The following SPDL1 variants were observed in gnomAD, a reference collection of about 807,000 sequenced individuals.
The protein encoded by SPDL1 is protein Spindly.
A neutral mutation model predicts 79.5 loss-of-function variants in SPDL1; 85 were observed. The observed-to-expected ratio is 1.07, with a 90% CI of 0.90 to 1.28. The LOEUF is 1.28. Among genes scored for constraint, SPDL1 ranks in the 50% most tolerant of loss-of-function variants. SPDL1 has a pLI of 0.00. For missense variants in SPDL1, 703 were observed against 697.8 expected (o/e 1.01, Z -0.08); for synonymous variants, 269 against 240.3 (o/e 1.12, Z -1.10).
chr5:169,598,522 C>A lies in SPDL1; in HGVS notation c.1079C>A (p.Thr360Asn). ...TCTAAGCCTTCAGTCGACTCTGGTACTCTGGAAGATAACACCTATTATACA... is the reference window on the plus strand; with the variant it reads ...TCTAAGCCTTCAGTCGACTCTGGTAATCTGGAAGATAACACCTATTATACA... ...MESKPSVDSGTLEDNTYYTDL... is the reference protein window; with the variant it reads ...MESKPSVDSGNLEDNTYYTDL... The change falls in exon 9 of 12, where the codon ACT becomes AAT. Residue 360 changes from threonine to asparagine, a missense_variant. Physicochemically the swap from Thr to Asn is moderately conservative, Grantham distance 65. Transcript: ENST00000265295. The A allele has an allele frequency of 6.2e-7, 1 of 1,613,224 alleles. No individual in the cohort carries two copies. Among genetic ancestry groups the A allele is most frequent in the African/African-American group, 1.3e-5 (1 of 74,990 alleles).
In SPDL1 at chr5:169,601,427, C is replaced by G; in HGVS notation, c.1472C>G (p.Pro491Arg). 1.2e-6 allele frequency: 2 copies of G among 1,614,034 alleles called. No homozygotes were observed. The highest frequency in any genetic ancestry group is 1.3e-5 in the African/African-American group (1 of 75,002). The part of the protein sequence containing the change: ...PPQKEETQSC[P>R]NSLEDNNLQL... ...CAGAAAGAGGAGACACAGTCCTGCC[C>G]TAACAGTTTAGAAGATAACAACTTG... Residue 491 changes from proline (P) to arginine (R), a missense_variant, in exon 11 of 12, where the codon CCT becomes CGT. Coordinates refer to ENST00000265295, the MANE Select transcript of SPDL1 (RefSeq NM_017785.5).
rs549738487 is a variant in SPDL1 at position 169,601,411 on chromosome 5, G to C, written c.1456G>C (p.Glu486Gln). 9.3e-6 allele frequency: 15 copies of C among 1,614,110 alleles called. No individual in the cohort carries two copies. In the South Asian group the frequency reaches 1.6e-4, roughly 18 times the overall value. Residue 486 changes from glutamate (E) to glutamine (Q), a missense_variant, in exon 11 of 12, where the codon GAG (glutamate) becomes CAG (glutamine). Physicochemically the swap from Glu to Gln is conservative, Grantham distance 29. Transcript: ENST00000265295. ...EVYRLPPQKEETQSCPNSLED... is the reference protein window; with the variant it reads ...EVYRLPPQKEQTQSCPNSLED... ...TTATCGATTACCGCCTCAGAAAGAG[G>C]AGACACAGTCCTGCCCTAACAGTTT...
chr5:169,590,029 C>A (rs1755194848), intron 2 of SPDL1, among the ~76,000 whole-genome samples: 1 of 152,200 alleles, frequency 6.6e-6, no homozygotes, highest in South Asian at 2.1e-4. Flanking sequence ...TGCTAATTAT[C>A]TCTAGATTAT....
chr5:169,589,572 T>C (rs1164593403), intron 2 of SPDL1, among the ~76,000 whole-genome samples: 2 of 152,026 alleles, frequency 1.3e-5, no homozygotes, highest in Non-Finnish European at 2.9e-5. Context: ...TTTTTTTTTT[T>C]TGAGTTGTTT....
intron 2 of SPDL1, among the ~76,000 whole-genome samples, chr5:169,588,994 TC>T (rs141009696): frequency 0.039 from 5,914 of 152,282 alleles, 169 homozygotes; most frequent in Non-Finnish European, 0.057. Flanking sequence ...GGATTCCCTG[TC>T]CGTTAACCAA....
At chr5:169,586,964 A>C (rs985711809) in intron 1 of SPDL1, among the ~76,000 whole-genome samples, 1 of 152,098 alleles carries the variant, frequency 6.6e-6, no homozygotes, top group African/African-American at 2.4e-5. Context: ...ACTCTCTACT[A>C]TCTCTTAGCC....
chr5:169,590,375 A>G (rs1218559934), intron 2 of SPDL1, among the ~76,000 whole-genome samples: 1 of 152,248 alleles, frequency 6.6e-6, no homozygotes, highest in Non-Finnish European at 1.5e-5. Flanking sequence ...AACTTGTCAA[A>G]TTTCAGTGTT....
Position 169,594,611 on chromosome 5 carries a change from G to A in SPDL1, c.821G>A (p.Ser274Asn), listed in dbSNP as rs1435318256. The change falls in exon 7 of 12, where the codon AGT becomes AAT. Residue 274 changes from serine (S) to asparagine (N), a missense_variant. By Grantham distance (46) the Ser-to-Asn change is conservative (BLOSUM62 1). Transcript: ENST00000265295. ...RRAAMERQLI[S>N]MKVKYQSLKK... ...GCAGCAATGGAACGTCAGCTCATCA[G>A]TATGAAAGTCAAGTATCAGTCACTA... The A allele has an allele frequency of 6.2e-7, 1 of 1,614,010 alleles. No homozygotes were observed. Among genetic ancestry groups the A allele is most frequent in the Non-Finnish European group, 8.5e-7 (1 of 1,179,872 alleles).
Position 169,604,243 on chromosome 5 carries a change from C to G in SPDL1, c.*36C>G. On this transcript the variant is annotated 3_prime_UTR_variant, in exon 12 of 12. Coordinates refer to ENST00000265295, the MANE Select transcript of SPDL1 (RefSeq NM_017785.5). Reference sequence around the variant, plus strand: ...TTAATAAGAGTACGGTGCCACTTGCCTCAAAAGTTACTATGGTGCTTAAGA... The same window carrying G: ...TTAATAAGAGTACGGTGCCACTTGCGTCAAAAGTTACTATGGTGCTTAAGA... The G allele has an allele frequency of 1.3e-6, 2 of 1,503,604 alleles. No homozygotes were observed. Among genetic ancestry groups the G allele is most frequent in the Non-Finnish European group, 1.8e-6 (2 of 1,126,422 alleles). The allele number at this position is 1,503,604 out of a possible 1,614,324, so 93.1% of individuals were successfully genotyped here.
chr5:169,599,200 T>C, intron 10 of SPDL1, 41 bp downstream of exon 10: 1 of 1,216,308 alleles, frequency 8.2e-7, no homozygotes. Context: ...AAATTATGAG[T>C]AACCTGAAAT....
intron 11 of SPDL1, 77 bp downstream of exon 11, chr5:169,601,702 T>G: frequency 7.8e-7 from 1 of 1,274,206 alleles, no homozygotes; most frequent in South Asian, 1.3e-5. Context: ...CTGTGCTGTC[T>G]GTTTCTTTAT....
intron 11 of SPDL1, among the ~76,000 whole-genome samples, chr5:169,603,793 G>A (rs921994323): frequency 7.9e-5 from 12 of 152,168 alleles, no homozygotes; most frequent in Non-Finnish European, 1.8e-4. Context: ...GGCGGAGGTT[G>A]CAGTGAGCCG....
At chr5:169,597,232 TTGTGTGTGTGTGTGTGTGTG>T (rs56336716) in intron 8 of SPDL1, among the ~76,000 whole-genome samples, 5 of 149,206 alleles carry the variant, frequency 3.4e-5, no homozygotes, top group Admixed American at 2.7e-4. Flanking sequence ...GTGTAAGCAT[TTGTGTGTGTGTGTGTGTGTG>T]TGTGTGTGTG....
Position 169,598,967 on chromosome 5 carries a change from C to G in SPDL1, c.1137-5C>G. On this transcript the variant is annotated splice_polypyrimidine_tract_variant and splice_region_variant and intron_variant, in intron 9 of 11. Coordinates refer to ENST00000265295, the MANE Select transcript of SPDL1 (RefSeq NM_017785.5). ...CTCGTTGGTTCTCCTTTTTTATTAT[C>G]ATAGCAAAGAAATTGAAAGCACTAA... 1 of 1,522,526 alleles carries G rather than the reference C, an allele frequency of 6.6e-7. No individual in the cohort carries two copies. 94.3% of individuals were successfully genotyped at this position (1,522,526 alleles called of 1,614,324 possible).
At chr5:169,587,148 T>C (rs760466100) in intron 1 of SPDL1, 4 of 152,222 alleles carry the variant, frequency 2.6e-5, no homozygotes, top group Non-Finnish European at 5.9e-5. Flanking sequence ...CCCTTTCTAA[T>C]TTATTAATAT....
intron 1 of SPDL1, among the ~76,000 whole-genome samples, chr5:169,586,892 G>C (rs1665209494): frequency 6.6e-6 from 1 of 152,088 alleles, no homozygotes; most frequent in Non-Finnish European, 1.5e-5. Flanking sequence ...TCCAGACTTT[G>C]GAATGACTTC....
chr5:169,590,787 T>C (rs2113337854), intron 2 of SPDL1: 1 of 521,826 alleles, frequency 1.9e-6, no homozygotes, highest in East Asian at 4.9e-5. Flanking sequence ...TGACATACCA[T>C]GGAGCACATT....
chr5:169,588,944 C>A (rs1755128732), intron 2 of SPDL1: 1 of 155,440 alleles, frequency 6.4e-6, no homozygotes, highest in Admixed American at 6.5e-5. Flanking sequence ...GTTCAACTGC[C>A]CACTAATAGA....
chr5:169,596,939 AT>A (rs1755616425), intron 8 of SPDL1, among the ~76,000 whole-genome samples: 1 of 152,144 alleles, frequency 6.6e-6, no homozygotes, highest in South Asian at 2.1e-4. Flanking sequence ...ATTAGTTGGA[AT>A]TTTAGTAAAG....
Sources: gnomAD v4.1 joint callset for allele counts (sites outside exome capture counted in the v4.1 genomes callset) on GRCh38, gnomAD v4.1.1 for gene constraint, MANE v1.5 for transcripts, NCBI Gene and HGNC (gene_info 2026-07-23, HGNC 2026-07-21) for gene names.